CSMD1: variants seen among roughly 807,000 people sequenced by gnomAD.
CSMD1 encodes CUB and Sushi multiple domains 1.
Under a neutral mutation model 417.5 loss-of-function variants are expected in CSMD1, and 213 were observed. That is an observed-to-expected ratio of 0.51 (90% CI 0.46 to 0.57). CSMD1 has a LOEUF of 0.57. CSMD1 is among the 20% of genes least tolerant of loss of function. The pLI, the probability that CSMD1 is intolerant of heterozygous loss-of-function variation, is 0.00. For missense variants in CSMD1, 6,923 were observed against 4,529.7 expected (o/e 1.53, Z -15.17); for synonymous variants, 2,862 against 1,736.8 (o/e 1.65, Z -16.11).
intron 1 of CSMD1, among the ~76,000 whole-genome samples, chr8:4,962,962 G>A (rs556437183): frequency 3.9e-5 from 6 of 152,250 alleles, no homozygotes; most frequent in African/African-American, 1.2e-4. Context: ...GGTTGGCGCT[G>A]GGAAAAGGAT....
chr8:2,968,382 A>G (rs1804154431), intron 57 of CSMD1, among the ~76,000 whole-genome samples: 1 of 152,222 alleles, frequency 6.6e-6, no homozygotes, highest in African/African-American at 2.4e-5. Flanking sequence ...GTATGTCTAA[A>G]TCTTCAAAAG....
intron 25 of CSMD1, among the ~76,000 whole-genome samples, chr8:3,303,148 A>C (rs977661045): frequency 3.3e-5 from 5 of 152,224 alleles, no homozygotes; most frequent in Admixed American, 3.3e-4. Context: ...GAAATTGGAC[A>C]TGCTTTTATT....
chr8:4,664,809 G>C (rs909148384), intron 1 of CSMD1, among the ~76,000 whole-genome samples: 9 of 152,138 alleles, frequency 5.9e-5, no homozygotes, highest in South Asian at 2.1e-4. Flanking sequence ...TTTATGGTGA[G>C]GGAAAATCTT....
At chr8:4,416,016 G>C (rs1456597752) in intron 3 of CSMD1, among the ~76,000 whole-genome samples, 2 of 152,106 alleles carry the variant, frequency 1.3e-5, no homozygotes, top group Non-Finnish European at 2.9e-5. Context: ...GATAATAATA[G>C]ATCACCTTAT....
intron 43 of CSMD1, among the ~76,000 whole-genome samples, 153 bp from the exon 44 acceptor site, chr8:3,108,901 G>C (rs1196846826): frequency 2.0e-5 from 3 of 152,218 alleles, no homozygotes; most frequent in African/African-American, 7.2e-5. Context: ...GATGTTGAAT[G>C]TCCACAAAGT....
intron 2 of CSMD1, among the ~76,000 whole-genome samples, chr8:4,576,014 G>A (rs1799120233): frequency 6.6e-6 from 1 of 152,180 alleles, no homozygotes; most frequent in South Asian, 2.1e-4. Context: ...TCTCTTGGGT[G>A]GAAAAATACA....
At chr8:4,319,315 A>G (rs778021632) in intron 3 of CSMD1, among the ~76,000 whole-genome samples, 13 of 152,248 alleles carry the variant, frequency 8.5e-5, no homozygotes, top group Admixed American at 2.6e-4. Context: ...TTCTAAATGA[A>G]TTAAAAAGTC....
chr8:4,509,894 AG>A (rs1238108570), intron 2 of CSMD1, among the ~76,000 whole-genome samples: 1 of 152,166 alleles, frequency 6.6e-6, no homozygotes, highest in Non-Finnish European at 1.5e-5. Flanking sequence ...TCGCCCTGAC[AG>A]GGTGTTTATG....
chr8:3,709,680 G>GGCTTTTTTT lies in CSMD1; in HGVS notation c.932-1190_932-1189insAAAAAAAGC, dbSNP rs1554518393. On this transcript the variant is annotated intron_variant, in intron 6 of 69. Transcript: ENST00000635120. ...GATGGGCTTTAAATTGCAGCAGCAT[G>GGCTTTTTTT]TTTTTTTTTTTTTTTTTTTTTTTTT... 2.2e-3 allele frequency among the ~76,000 whole-genome samples: 74 copies of GGCTTTTTTT among 33,702 alleles called. 7 individuals are homozygous for GGCTTTTTTT. Among genetic ancestry groups the GGCTTTTTTT allele is most frequent in the African/African-American group, 6.8e-3 (64 of 9,454 alleles). The allele number at this position is 33,702 out of a possible 152,430, so 22.1% of individuals were successfully genotyped here.
At position 4,043,611 on chromosome 8, in the gene CSMD1, G is replaced by A. The variant is rs547464396; in HGVS notation, c.416-11512C>T. Among the ~76,000 whole-genome samples the A allele has an allele frequency of 5.3e-5, 8 of 152,288 alleles. No individual in the cohort carries two copies. The East Asian group carries it at 5.8e-4, about 11-fold the overall frequency. On this transcript the variant is annotated intron_variant, in intron 3 of 69. Coordinates refer to ENST00000635120, the MANE Select transcript of CSMD1 (RefSeq NM_033225.6). Reference sequence around the variant, plus strand: ...GAAATCAATGTAGAATAGCCAAACTGGAATTTCAAAAGACGAAATGCATTT... The same window carrying A: ...GAAATCAATGTAGAATAGCCAAACTAGAATTTCAAAAGACGAAATGCATTT...
chr8:3,333,660 G>T (rs1271853643), intron 23 of CSMD1, among the ~76,000 whole-genome samples: 1 of 152,104 alleles, frequency 6.6e-6, no homozygotes, highest in Non-Finnish European at 1.5e-5. Flanking sequence ...TTTACGTGCA[G>T]GCTGAATATT....
intron 3 of CSMD1, among the ~76,000 whole-genome samples, chr8:4,336,319 A>C (rs1800169877): frequency 6.6e-6 from 1 of 152,128 alleles, no homozygotes; most frequent in Admixed American, 6.6e-5. Context: ...CCTCTGTAGA[A>C]AGGCACATTT....
At chr8:4,648,430 T>TCCACACCA (rs1409735976) in intron 1 of CSMD1, among the ~76,000 whole-genome samples, 2 of 152,070 alleles carry the variant, frequency 1.3e-5, no homozygotes, top group Non-Finnish European at 2.9e-5. Context: ...TGGGGCTCAG[T>TCCACACCA]CCACACCACA....
chr8:4,395,177 CCT>C (rs1205260021), intron 3 of CSMD1, among the ~76,000 whole-genome samples: 1 of 152,192 alleles, frequency 6.6e-6, no homozygotes, highest in Non-Finnish European at 1.5e-5. Flanking sequence ...AACAACCCCT[CCT>C]CTTTTAGCCA....
intron 25 of CSMD1, among the ~76,000 whole-genome samples, chr8:3,298,698 C>T (rs142816172): frequency 0.02 from 2,993 of 152,312 alleles, 41 homozygotes; most frequent in East Asian, 0.032. Flanking sequence ...AGGTAATCTG[C>T]CCGCCTCAGC....
chr8:3,619,121 T>C (rs1159137009), intron 7 of CSMD1, among the ~76,000 whole-genome samples: 1 of 152,094 alleles, frequency 6.6e-6, no homozygotes, highest in African/African-American at 2.4e-5. Flanking sequence ...AACACATATC[T>C]AAGGTCCCAA....
chr8:4,665,788 T>A (rs1804882464), intron 1 of CSMD1, among the ~76,000 whole-genome samples: 1 of 152,226 alleles, frequency 6.6e-6, no homozygotes. Context: ...TGTTTTCCAT[T>A]TATTAGCAAA....
At chr8:3,332,517 G>A (rs951149074) in intron 23 of CSMD1, among the ~76,000 whole-genome samples, 3 of 152,250 alleles carry the variant, frequency 2.0e-5, no homozygotes, top group African/African-American at 7.2e-5. Flanking sequence ...TGACCATTCA[G>A]AATGTCACCG....
At chr8:3,146,660 C>T (rs1038153789) in intron 40 of CSMD1, among the ~76,000 whole-genome samples, 11 of 152,118 alleles carry the variant, frequency 7.2e-5, no homozygotes, top group African/African-American at 2.7e-4. Flanking sequence ...TTTTGAGGGA[C>T]AGGCTGTGTG....
Sources: allele counts gnomAD v4.1 joint callset (sites outside exome capture counted in the v4.1 genomes callset), GRCh38; gene constraint gnomAD v4.1.1; transcripts MANE v1.5; gene names NCBI Gene and HGNC (gene_info 2026-07-23, HGNC 2026-07-21).